Variants in PI4K2A observed in about 807,000 individuals in gnomAD.
The protein encoded by PI4K2A is phosphatidylinositol 4-kinase type 2 alpha.
A neutral mutation model predicts 55.0 loss-of-function variants in PI4K2A; 20 were observed. The ratio of observed to expected loss-of-function variants is 0.36; its 90% confidence interval spans 0.26 to 0.53. PI4K2A has a LOEUF of 0.53. PI4K2A is among the 20% of genes least tolerant of loss of function. The pLI is 0.91. For synonymous variants in PI4K2A, 235 were observed against 258.5 expected (o/e 0.91, Z 0.87); for missense variants, 463 against 637.1 (o/e 0.73, Z 2.94).
intron 5 of PI4K2A, among the ~76,000 whole-genome samples, chr10:97,664,519 C>G (rs2041600981): frequency 6.6e-6 from 1 of 152,214 alleles, no homozygotes; most frequent in South Asian, 2.1e-4. Context: ...CCTTGGCCAA[C>G]TGATATGGAT....
At chr10:97,672,510 C>T (rs571508601) in intron 8 of PI4K2A, among the ~76,000 whole-genome samples, 6 of 152,184 alleles carry the variant, frequency 3.9e-5, no homozygotes, top group Admixed American at 2.0e-4. Context: ...ACATTGTGAT[C>T]GCTTCTTTGC....
intron 1 of PI4K2A, among the ~76,000 whole-genome samples, chr10:97,647,623 A>G (rs533759917): frequency 1.4e-4 from 21 of 152,218 alleles, no homozygotes; most frequent in Non-Finnish European, 2.6e-4. Context: ...AAATGCTAAC[A>G]TAATTGAATT....
intron 6 of PI4K2A, among the ~76,000 whole-genome samples, chr10:97,666,033 G>A (rs566931111): frequency 6.6e-6 from 1 of 151,398 alleles, no homozygotes; most frequent in East Asian, 2.0e-4. Context: ...TCAGTGTTCT[G>A]TCTTCCTTGT....
chr10:97,661,213 G>A (rs1045175667), intron 4 of PI4K2A, among the ~76,000 whole-genome samples: 5 of 151,964 alleles, frequency 3.3e-5, no homozygotes, highest in African/African-American at 9.7e-5. Flanking sequence ...GGATGGTCTC[G>A]ATCTCCTGAC....
Position 97,656,274 on chromosome 10 carries a change from T to C in PI4K2A, c.637-11T>C, listed in dbSNP as rs1223204167. The C allele has an allele frequency of 1.2e-6, 2 of 1,611,074 alleles. No homozygotes were observed. The highest frequency in any genetic ancestry group is 1.7e-6 in the Non-Finnish European group (2 of 1,177,398). ...GACTCTAACCTTAGTATCTCTTCTC[T>C]TTCACTGTAGGTAGTATACCTGGCC... On this transcript the variant is annotated splice_polypyrimidine_tract_variant and intron_variant, in intron 2 of 8. Transcript: ENST00000370631. This position sits in a 1 kb window ranked among gnomAD's most constrained non-coding sequence, Gnocchi z 4.5.
chr10:97,653,737 T>C (rs996260373), intron 2 of PI4K2A, among the ~76,000 whole-genome samples: 1 of 152,092 alleles, frequency 6.6e-6, no homozygotes, highest in African/African-American at 2.4e-5. Flanking sequence ...GCCAACAGGG[T>C]GAAACCCTGT....
intron 2 of PI4K2A, among the ~76,000 whole-genome samples, chr10:97,652,306 T>C (rs970214351): frequency 1.3e-5 from 2 of 152,128 alleles, no homozygotes; most frequent in African/African-American, 2.4e-5. Context: ...TTTTCTTTCT[T>C]ATTTTTAGAG....
chr10:97,652,174 A>T (rs1297559018), intron 2 of PI4K2A, among the ~76,000 whole-genome samples: 2 of 152,180 alleles, frequency 1.3e-5, no homozygotes, highest in Admixed American at 1.3e-4. Context: ...GAAAAAGTAC[A>T]TATATTTGCA....
intron 5 of PI4K2A, among the ~76,000 whole-genome samples, chr10:97,663,728 G>A (rs1457144569): frequency 6.6e-6 from 1 of 150,388 alleles, no homozygotes; most frequent in Non-Finnish European, 1.5e-5. Flanking sequence ...GCTGAGACTC[G>A]AGAATGGCTT....
rs1449335315 is a variant in PI4K2A, at chr10:97,656,368, A to G, written c.720A>G (p.Lys240=). 1 of 1,614,062 alleles carries G rather than the reference A, an allele frequency of 6.2e-7. No homozygotes were observed. The highest frequency in any genetic ancestry group is 1.3e-5 in the African/African-American group (1 of 74,928). The stretch of plus-strand genomic sequence containing the variant: ...GGGGCAAGCGGCTTGCACTAGAGAA[A>G]GTGCCAAAAGTTGGACAGCGGTTTA... Residue 240 remains lysine (K), a synonymous_variant, in exon 3 of 9, where the codon AAA becomes AAG. Coordinates refer to ENST00000370631, the Ensembl canonical transcript of PI4K2A. This position sits in a 1 kb window ranked among gnomAD's most constrained non-coding sequence, Gnocchi z 4.5.
exon 1 of PI4K2A, chr10:97,641,023 C>G: frequency 6.3e-7 from 1 of 1,578,864 alleles, no homozygotes; most frequent in Non-Finnish European, 8.6e-7. Context: ...GCAGCCCACG[C>G]CGCTCAGGCC....
chr10:97,645,690 C>T (rs529523847), intron 1 of PI4K2A, among the ~76,000 whole-genome samples: 3 of 149,478 alleles, frequency 2.0e-5, no homozygotes, highest in East Asian at 2.0e-4. Flanking sequence ...TGCCTCTTAA[C>T]GTTTTAGTAA....
At chr10:97,641,097 C>G (rs2041465896) in exon 1 of PI4K2A, 1 of 1,608,804 alleles carries the variant, frequency 6.2e-7, no homozygotes, top group Non-Finnish European at 8.5e-7. Context: ...GCAGGCCGAG[C>G]TGGCCATCGA....
chr10:97,666,625 G>T, intron 7 of PI4K2A, 54 bp downstream of exon 7: 1 of 1,504,068 alleles, frequency 6.6e-7, no homozygotes, highest in South Asian at 1.2e-5. Context: ...AATTTTTAAT[G>T]GTTTTTTTAA....
At chr10:97,670,886 C>T (rs1007182811) in intron 8 of PI4K2A, among the ~76,000 whole-genome samples, 1 of 152,042 alleles carries the variant, frequency 6.6e-6, no homozygotes, top group Non-Finnish European at 1.5e-5. Context: ...GCCTGTAATC[C>T]GAGCACTTTG....
intron 1 of PI4K2A, among the ~76,000 whole-genome samples, chr10:97,642,593 G>A (rs1197815612): frequency 6.6e-6 from 1 of 151,706 alleles, no homozygotes; most frequent in Non-Finnish European, 1.5e-5. Context: ...TAGAGACCAT[G>A]TTGGCCAGGA....
intron 4 of PI4K2A, among the ~76,000 whole-genome samples, chr10:97,659,362 T>A (rs1033274240): frequency 6.6e-6 from 1 of 152,052 alleles, no homozygotes; most frequent in African/African-American, 2.4e-5. Context: ...GGATTGACTT[T>A]GTATGCTGCT....
At position 97,642,806 on chromosome 10, in the gene PI4K2A, T is replaced by TCTTCCTTCCTTCCTTC. The variant is rs1183100302; in HGVS notation, c.435+1661_435+1676dup. Among the ~76,000 whole-genome samples the TCTTCCTTCCTTCCTTC allele has an allele frequency of 6.6e-5, 7 of 105,392 alleles. 1 individual carries two copies. The East Asian group carries it at 1.4e-3, about 21-fold the overall frequency. The allele number at this position is 105,392 out of a possible 152,430, so 69.1% of individuals were successfully genotyped here. ...GCCAGAGGCTTGCTTGCTTTCTCTT[T>TCTTCCTTCCTTCCTTC]CTTCCTTCCTTCCTTCCTTCCTTCC... On this transcript the variant is annotated intron_variant, in intron 1 of 8. Coordinates refer to ENST00000370631, the Ensembl canonical transcript of PI4K2A.
intron 1 of PI4K2A, among the ~76,000 whole-genome samples, chr10:97,648,897 T>A (rs528915128): frequency 5.1e-4 from 78 of 152,370 alleles, no homozygotes; most frequent in African/African-American, 1.8e-3. Context: ...CATTTTGCAT[T>A]TGCCAGTAAA....
Sources: gnomAD v4.1 joint callset for allele counts (sites outside exome capture counted in the v4.1 genomes callset) on GRCh38, gnomAD v4.1.1 for gene constraint, Gnocchi (gnomAD v3.1) non-coding constraint, MANE v1.5 for transcripts, NCBI Gene and HGNC (gene_info 2026-07-23, HGNC 2026-07-21) for gene names.